Variants in LGR6 observed in about 807,000 individuals in gnomAD.
The protein encoded by LGR6 is leucine rich repeat containing G protein-coupled receptor 6.
LGR6 carries 45 observed loss-of-function variants against 69.4 expected under a neutral mutation model. The ratio of observed to expected loss-of-function variants is 0.65; its 90% CI spans 0.51 to 0.83. The LOEUF (loss-of-function observed/expected upper bound fraction) is 0.83. LGR6 is among the 40% of genes least tolerant of loss of function. The pLI, the probability that LGR6 is intolerant of heterozygous loss-of-function variation, is 0.00. For synonymous variants in LGR6, 538 were observed against 555.0 expected, an observed-to-expected ratio of 0.97 and a Z score of 0.43; for missense variants, 1,108 against 1,246.7, an observed-to-expected ratio of 0.89 and a Z score of 1.68.
At chr1:202,198,668 G>GTTT (rs56275558) in intron 1 of LGR6, among the ~76,000 whole-genome samples, 12 of 127,670 alleles carry the variant, frequency 9.4e-5, no homozygotes, top group Non-Finnish European at 3.4e-5. Context: ...GTAATTTTAG[G>GTTT]TTTTTTTTTT....
chr1:202,223,417 G>A (rs1436390133), intron 1 of LGR6, among the ~76,000 whole-genome samples: 3 of 152,084 alleles, frequency 2.0e-5, no homozygotes, highest in Non-Finnish European at 4.4e-5. Context: ...CCAAGCACAC[G>A]CTCTCCAGGC....
At chr1:202,235,607 C>A (rs1661475254) in intron 3 of LGR6, among the ~76,000 whole-genome samples, 1 of 152,192 alleles carries the variant, frequency 6.6e-6, no homozygotes, top group African/African-American at 2.4e-5. Context: ...CCCAAGTACT[C>A]TTGACTTCAG....
At chr1:202,231,649 G>A (rs1430458438) in intron 3 of LGR6, among the ~76,000 whole-genome samples, 1 of 152,180 alleles carries the variant, frequency 6.6e-6, no homozygotes, top group Non-Finnish European at 1.5e-5. Flanking sequence ...TTTTAGCTAT[G>A]GAAACTTAAA....
At chr1:202,199,485 G>A (rs568962769) in intron 1 of LGR6, among the ~76,000 whole-genome samples, 30 of 152,362 alleles carry the variant, frequency 2.0e-4, no homozygotes, top group African/African-American at 7.2e-4. Context: ...GGCTCTGGCA[G>A]CAGCGGGCAT....
At chr1:202,252,465 T>A (rs544943680) in intron 4 of LGR6, among the ~76,000 whole-genome samples, 1 of 152,290 alleles carries the variant, frequency 6.6e-6, no homozygotes, top group East Asian at 1.9e-4. Flanking sequence ...GGCTTTCCCA[T>A]CTGTAAAGTG....
At chr1:202,278,942 C>G (rs992512750) in intron 5 of LGR6, among the ~76,000 whole-genome samples, 6 of 152,148 alleles carry the variant, frequency 3.9e-5, no homozygotes, top group African/African-American at 1.4e-4. Context: ...AATCTTGTCT[C>G]TTTATCTGGA....
At chr1:202,256,199 T>G (rs1663758350) in intron 4 of LGR6, among the ~76,000 whole-genome samples, 1 of 152,228 alleles carries the variant, frequency 6.6e-6, no homozygotes. Flanking sequence ...TTCATCCATG[T>G]GTATATTTAT....
intron 17 of LGR6, among the ~76,000 whole-genome samples, chr1:202,315,178 G>A (rs1265554734): frequency 1.3e-5 from 2 of 152,180 alleles, no homozygotes; most frequent in East Asian, 3.8e-4. Context: ...AGGAAAGAAT[G>A]CCTTGACCCC....
At chr1:202,257,823 A>G (rs1260952388) in intron 4 of LGR6, among the ~76,000 whole-genome samples, 1 of 152,144 alleles carries the variant, frequency 6.6e-6, no homozygotes. Flanking sequence ...TATAAATTTT[A>G]GAATCAGCTT....
chr1:202,235,267 G>A (rs1661443137), intron 3 of LGR6, among the ~76,000 whole-genome samples: 3 of 152,184 alleles, frequency 2.0e-5, no homozygotes, highest in South Asian at 4.1e-4. Flanking sequence ...TGGAGTCATC[G>A]TGGGGTTTTG....
chr1:202,235,026 C>T (rs778827381), intron 3 of LGR6, among the ~76,000 whole-genome samples: 6 of 152,194 alleles, frequency 3.9e-5, no homozygotes, highest in Non-Finnish European at 8.8e-5. Context: ...TATGTCTTTA[C>T]CCAGTTCCTT....
At chr1:202,206,887 T>G (rs1659258251) in intron 1 of LGR6, among the ~76,000 whole-genome samples, 1 of 137,746 alleles carries the variant, frequency 7.3e-6, no homozygotes. Flanking sequence ...TGCTGCAAAT[T>G]ATTTTATTTA....
At chr1:202,293,832 CT>C (rs1184057949) in intron 6 of LGR6, among the ~76,000 whole-genome samples, 1 of 152,214 alleles carries the variant, frequency 6.6e-6, no homozygotes, top group African/African-American at 2.4e-5. Flanking sequence ...CAAAAATAGA[CT>C]TGTAGTTCAC....
intron 1 of LGR6, chr1:202,203,844 G>T (rs775784063): frequency 6.2e-7 from 1 of 1,613,810 alleles, no homozygotes; most frequent in Non-Finnish European, 8.5e-7. Flanking sequence ...GTTGACACTT[G>T]TTTGTCAAGT....
chr1:202,300,643 G>A (rs1485201443), intron 7 of LGR6, among the ~76,000 whole-genome samples: 1 of 147,178 alleles, frequency 6.8e-6, no homozygotes, highest in Non-Finnish European at 1.5e-5. Flanking sequence ...CTGGGTAACA[G>A]AGACCCTGTC....
chr1:202,315,206 G>A (rs1314430706), intron 17 of LGR6, among the ~76,000 whole-genome samples: 1 of 152,222 alleles, frequency 6.6e-6, no homozygotes, highest in South Asian at 2.1e-4. Context: ...AGGGTGGCAC[G>A]TGGGACTGCT....
intron 3 of LGR6, among the ~76,000 whole-genome samples, chr1:202,234,242 G>C (rs1295768598): frequency 2.0e-5 from 3 of 152,134 alleles, no homozygotes; most frequent in Non-Finnish European, 4.4e-5. Flanking sequence ...CACCCCTTGG[G>C]GTGGCAAAGA....
chr1:202,278,787 A>T (rs1310937275), intron 5 of LGR6, among the ~76,000 whole-genome samples: 2 of 152,168 alleles, frequency 1.3e-5, no homozygotes, highest in African/African-American at 4.8e-5. Flanking sequence ...AGCAGGGTGG[A>T]GGAGAAGGGG....
chr1:202,308,638 G>A (rs375875050), intron 14 of LGR6, among the ~76,000 whole-genome samples: 4 of 152,176 alleles, frequency 2.6e-5, no homozygotes, highest in African/African-American at 9.7e-5. Context: ...AAAGTAGGAG[G>A]AAAGGCAGGG....
Sources: gnomAD v4.1 joint callset for allele counts (sites outside exome capture counted in the v4.1 genomes callset) on GRCh38, gnomAD v4.1.1 for gene constraint, MANE v1.5 for transcripts, NCBI Gene and HGNC (gene_info 2026-07-23, HGNC 2026-07-21) for gene names.